Variants in CNR2 observed in about 807,000 individuals in gnomAD.
CNR2 encodes the protein cannabinoid receptor 2, also known as cannabinoid receptor 2 (macrophage).
For missense variants in CNR2, 379 were observed against 439.9 expected, an observed-to-expected ratio of 0.86 and a Z score of 1.24; for synonymous variants, 172 against 182.2, an observed-to-expected ratio of 0.94 and a Z score of 0.45.
chr1:23,909,416 G>A (rs1342948938), intron 1 of CNR2, among the ~76,000 whole-genome samples: 1 of 152,204 alleles, frequency 6.6e-6, no homozygotes, highest in Non-Finnish European at 1.5e-5. Context: ...CCTTGGCTGT[G>A]CGTGGGTTCC....
At chr1:23,898,239 A>T (rs1478184706) in intron 1 of CNR2, among the ~76,000 whole-genome samples, 1 of 150,458 alleles carries the variant, frequency 6.6e-6, no homozygotes, top group Admixed American at 6.7e-5. Flanking sequence ...GGGTTTCACC[A>T]TGTTAGCCAG....
chr1:23,876,950 C>CCATT (rs1639893934), intron 1 of CNR2, among the ~76,000 whole-genome samples: 1 of 151,564 alleles, frequency 6.6e-6, no homozygotes, highest in Admixed American at 6.6e-5. Context: ...TATTATTAGA[C>CCATT]ATTATTAGAA....
rs201054712 is a variant in CNR2, at chr1:23,875,026, T to C, written c.592A>G (p.Ile198Val). Residue 198 changes from isoleucine to valine, a missense_variant, in exon 2 of 2, where the codon ATC (isoleucine) becomes GTC (valine). Physicochemically the swap from Ile to Val is conservative, Grantham distance 29. Coordinates refer to ENST00000374472, the MANE Select transcript of CNR2 (RefSeq NM_001841.3). ...ATGATTCCGGAAAAGAGGAAGGCGA[T>C]GAACAGGAGCCAGCTCAGCAGGTAG... ...NDYLLSWLLF[I>V]AFLFSGIIYT... The C allele has an allele frequency of 6.2e-7, 1 of 1,608,516 alleles. No homozygotes were observed. The highest frequency in any genetic ancestry group is 1.7e-5 in the Admixed American group (1 of 59,438).
At chr1:23,908,996 C>T (rs1640542781) in intron 1 of CNR2, among the ~76,000 whole-genome samples, 1 of 152,106 alleles carries the variant, frequency 6.6e-6, no homozygotes, top group South Asian at 2.1e-4. Context: ...GATCAGAGAC[C>T]TCCTCTCTGG....
intron 1 of CNR2, among the ~76,000 whole-genome samples, chr1:23,899,183 A>C (rs557695816): frequency 6.6e-6 from 1 of 152,302 alleles, no homozygotes; most frequent in East Asian, 1.9e-4. Context: ...CCAGAGGCTC[A>C]GCTAGACTGG....
At chr1:23,908,916 T>G (rs1277120741) in intron 1 of CNR2, among the ~76,000 whole-genome samples, 2 of 151,810 alleles carry the variant, frequency 1.3e-5, no homozygotes, top group Non-Finnish European at 2.9e-5. Context: ...AGGGAGCCTC[T>G]GAGAGACAGG....
chr1:23,884,585 T>C (rs1252952678), intron 1 of CNR2, among the ~76,000 whole-genome samples: 2 of 151,222 alleles, frequency 1.3e-5, no homozygotes, highest in Non-Finnish European at 3.0e-5. Context: ...GGATTACAAG[T>C]GTGAGCCACC....
chr1:23,894,546 T>A (rs1640245562), intron 1 of CNR2, among the ~76,000 whole-genome samples: 1 of 150,278 alleles, frequency 6.7e-6, no homozygotes, highest in Admixed American at 6.7e-5. Flanking sequence ...CTCACACCTG[T>A]AATCCCAGCA....
intron 1 of CNR2, among the ~76,000 whole-genome samples, chr1:23,877,615 C>T (rs1639909106): frequency 6.7e-6 from 1 of 149,982 alleles, no homozygotes; most frequent in South Asian, 2.1e-4. Flanking sequence ...GCACTCCAGC[C>T]TGGGCAACAG....
chr1:23,871,989 T>C lies in CNR2; in HGVS notation c.*2546A>G, dbSNP rs2501417. On this transcript the variant is annotated 3_prime_UTR_variant, in exon 2 of 2. Coordinates refer to ENST00000374472, the MANE Select transcript of CNR2 (RefSeq NM_001841.3). ...CTCTACTAAAAATACAAAAATTAGC[T>C]GAGTGTGGTGGCGGGTGCCTGTAGT... 96,140 of 151,560 alleles carry C rather than the reference T, an allele frequency of 0.63. 30,899 individuals carry two copies. Among genetic ancestry groups the C allele is most frequent in the African/African-American group, 0.76 (31,225 of 41,264 alleles). 9.4% of individuals were successfully genotyped at this position (151,560 alleles called of 1,614,324 possible).
chr1:23,913,109 C>T (rs1286038460), intron 1 of CNR2, 137 bp downstream of exon 1: 1 of 158,742 alleles, frequency 6.3e-6, no homozygotes, highest in South Asian at 1.7e-4. Context: ...TGCACTGAGC[C>T]GAGATTGTGC....
Position 23,908,851 on chromosome 1 carries a change from G to A in CNR2, c.-46+4395C>T, listed in dbSNP as rs540749964. On this transcript the variant is annotated intron_variant, in intron 1 of 1. Transcript: ENST00000374472. ...TTTGGGCTGAGGCAACACTGTGAAC[G>A]CAGCTGTGGCTCTCAAAGAGGAACT... 2.2e-4 allele frequency among the ~76,000 whole-genome samples: 34 copies of A among 152,260 alleles called. No homozygotes were observed. The East Asian group carries it at 3.9e-3, about 17-fold the overall frequency.
intron 1 of CNR2, chr1:23,902,185 G>T (rs1640411757): frequency 1.5e-6 from 2 of 1,368,394 alleles, no homozygotes; most frequent in Non-Finnish European, 2.1e-6. Flanking sequence ...GTTCAGGACG[G>T]CCTTGAAGAC....
chr1:23,892,825 G>A (rs1640211957), intron 1 of CNR2, among the ~76,000 whole-genome samples: 2 of 152,144 alleles, frequency 1.3e-5, no homozygotes, highest in Non-Finnish European at 2.9e-5. Context: ...AAACCAGCCT[G>A]GCCAACATGG....
chr1:23,901,551 G>A, intron 1 of CNR2: 2 of 1,612,116 alleles, frequency 1.2e-6, no homozygotes, highest in Middle Eastern at 1.7e-4. Flanking sequence ...CACTGGAACT[G>A]GAAGGCCACC....
chr1:23,910,090 A>T (rs1193372422), intron 1 of CNR2, among the ~76,000 whole-genome samples: 2 of 149,954 alleles, frequency 1.3e-5, no homozygotes, highest in Non-Finnish European at 3.0e-5. Flanking sequence ...CTGGGACCAC[A>T]GGCATGTGCC....
chr1:23,870,814 T>C lies in CNR2; in HGVS notation c.*3721A>G, dbSNP rs1639749906. ...TTCTCAGTGATATCTAGGTCCCTTT[T>C]GCACCCTTGTTCTCCTCCCTCATAA... On this transcript the variant is annotated 3_prime_UTR_variant, in exon 2 of 2. Coordinates refer to ENST00000374472, the MANE Select transcript of CNR2 (RefSeq NM_001841.3). The C allele has an allele frequency of 6.6e-6, 1 of 152,262 alleles. No homozygotes were observed. 9.4% of individuals were successfully genotyped at this position (152,262 alleles called of 1,614,324 possible). A position where few individuals can be genotyped will look rare whatever the true frequency, so the allele number is the denominator to read the frequency against.
chr1:23,882,915 A>G (rs573785870), intron 1 of CNR2, among the ~76,000 whole-genome samples: 1 of 152,164 alleles, frequency 6.6e-6, no homozygotes, highest in Non-Finnish European at 1.5e-5. Context: ...GGGCCATGGC[A>G]TACATTCAAA....
intron 1 of CNR2, chr1:23,901,331 C>A: frequency 1.4e-6 from 1 of 738,746 alleles, no homozygotes. Flanking sequence ...AAGGTGCCTA[C>A]TTCACAGAAT....
Sources: allele counts gnomAD v4.1 joint callset (sites outside exome capture counted in the v4.1 genomes callset), GRCh38; gene constraint gnomAD v4.1.1; transcripts MANE v1.5; gene names NCBI Gene and HGNC (gene_info 2026-07-23, HGNC 2026-07-21).